UTRN: variants seen among roughly 807,000 people sequenced by gnomAD.
The protein encoded by UTRN is utrophin.
UTRN carries 283 observed loss-of-function variants against 463.9 expected under a neutral mutation model. The observed-to-expected ratio is 0.61, with a 90% CI of 0.55 to 0.67. UTRN has a LOEUF of 0.67. Among genes scored for constraint, UTRN ranks in the 30% least tolerant of loss-of-function variants. UTRN has a pLI of 0.00. For synonymous variants in UTRN, 1,442 were observed against 1,431.5 expected, an observed-to-expected ratio of 1.01 and a Z score of -0.17; for missense variants, 3,922 against 4,084.3, an observed-to-expected ratio of 0.96 and a Z score of 1.08.
At chr6:144,538,127 A>C (rs1366396518) in intron 44 of UTRN, among the ~76,000 whole-genome samples, 1 of 152,206 alleles carries the variant, frequency 6.6e-6, no homozygotes, top group Non-Finnish European at 1.5e-5. Flanking sequence ...GCTGAGGAAC[A>C]AAATGCAGCT....
In UTRN at chr6:144,601,148, A is replaced by G. The variant is rs544546824; in HGVS notation, c.7479+23860A>G. 2.6e-4 allele frequency among the ~76,000 whole-genome samples: 39 copies of G among 152,342 alleles called. 1 individual carries two copies. Among genetic ancestry groups the G allele is most frequent in the Admixed American group, 2.0e-3 (30 of 15,292 alleles). ...CAACCAAGAGCTCTGATGGAGAGTA[A>G]TGCTATTTTCATGCCTACTAACTCA... On this transcript the variant is annotated intron_variant, in intron 51 of 74. Transcript: ENST00000367545.
At chr6:144,548,589 A>G (rs1336719860) in intron 46 of UTRN, 51 bp from the exon 47 acceptor site, 1 of 1,563,988 alleles carries the variant, frequency 6.4e-7, no homozygotes, top group Non-Finnish European at 8.7e-7. Flanking sequence ...CACCACCATA[A>G]TTAAAACATC....
chr6:144,839,324 T>C (rs1562970937), intron 72 of UTRN, 40 bp downstream of exon 72: 1 of 1,516,390 alleles, frequency 6.6e-7, no homozygotes, highest in South Asian at 1.2e-5. Context: ...CTGAGTCTGC[T>C]TTGTGCTTTG....
chr6:144,442,982 G>A (rs1787323257), intron 13 of UTRN, among the ~76,000 whole-genome samples: 1 of 152,144 alleles, frequency 6.6e-6, no homozygotes, highest in Non-Finnish European at 1.5e-5. Flanking sequence ...AGTAAAGTTT[G>A]AGAATTTCAC....
At chr6:144,735,246 T>C (rs529214563) in intron 54 of UTRN, among the ~76,000 whole-genome samples, 2 of 152,186 alleles carry the variant, frequency 1.3e-5, no homozygotes, top group East Asian at 3.9e-4. Context: ...ACTCTGAGGG[T>C]CAGAGTGGAG....
chr6:144,827,689 GAT>G lies in UTRN; in HGVS notation c.9599+14_9599+15del, dbSNP rs780585439. 4 of 1,612,984 alleles carry G rather than the reference GAT, an allele frequency of 2.5e-6. No homozygotes were observed. Among genetic ancestry groups the G allele is most frequent in the Non-Finnish European group, 3.4e-6 (4 of 1,179,378 alleles). On this transcript the variant is annotated intron_variant, in intron 68 of 74. Coordinates refer to ENST00000367545, the MANE Select transcript of UTRN (RefSeq NM_007124.3). ...AATATGCCACACGGTAAGAAACTTT[GAT>G]CAGAGCCCTCCACTGCACTGCCACC... is the stretch of plus-strand genomic sequence containing the variant.
intron 51 of UTRN, among the ~76,000 whole-genome samples, chr6:144,613,213 G>T (rs1434836042): frequency 6.6e-6 from 1 of 151,998 alleles, no homozygotes; most frequent in Non-Finnish European, 1.5e-5. Context: ...GGTGGGTGAG[G>T]GAGGGAGAGA....
intron 27 of UTRN, among the ~76,000 whole-genome samples, chr6:144,483,077 A>T (rs1792059609): frequency 6.6e-6 from 1 of 152,236 alleles, no homozygotes; most frequent in East Asian, 1.9e-4. Context: ...TTTGACGTAA[A>T]ACAAATATTT....
At chr6:144,673,755 T>A (rs1781291981) in intron 51 of UTRN, among the ~76,000 whole-genome samples, 1 of 152,138 alleles carries the variant, frequency 6.6e-6, no homozygotes, top group African/African-American at 2.4e-5. Flanking sequence ...GATTTATGAT[T>A]TAAGGAGATT....
intron 53 of UTRN, among the ~76,000 whole-genome samples, chr6:144,709,681 G>A (rs1391647224): frequency 2.0e-5 from 3 of 152,134 alleles, no homozygotes; most frequent in Non-Finnish European, 4.4e-5. Flanking sequence ...AATTTAAGAT[G>A]TCTAAAGAAT....
intron 55 of UTRN, among the ~76,000 whole-genome samples, chr6:144,751,272 T>C (rs1292820535): frequency 6.6e-6 from 1 of 152,216 alleles, no homozygotes; most frequent in Non-Finnish European, 1.5e-5. Context: ...GGCATACATT[T>C]TCCAGAGTAA....
rs112198690 is a variant in UTRN at position 144,537,377 on chromosome 6, A to G, written c.6234-205A>G. Among the ~76,000 whole-genome samples the G allele has an allele frequency of 8.6e-3, 1,309 of 152,110 alleles. 16 individuals are homozygous for G. The highest frequency in any genetic ancestry group is 0.03 in the African/African-American group (1,235 of 41,554). ...AGTTTCAATGTTTTTGAATTTAACTAAGGAAAAAAGCTTCTTGGTCTATTA... is the reference window on the plus strand; with the variant it reads ...AGTTTCAATGTTTTTGAATTTAACTGAGGAAAAAAGCTTCTTGGTCTATTA... On this transcript the variant is annotated intron_variant, in intron 43 of 74. Transcript: ENST00000367545.
intron 51 of UTRN, among the ~76,000 whole-genome samples, chr6:144,602,624 T>A (rs1804380026): frequency 6.6e-6 from 1 of 152,098 alleles, no homozygotes; most frequent in South Asian, 2.1e-4. Context: ...TGGGAGTAGA[T>A]TAATAAAGGA....
At chr6:144,775,500 G>A (rs1775244216) in intron 60 of UTRN, among the ~76,000 whole-genome samples, 1 of 152,050 alleles carries the variant, frequency 6.6e-6, no homozygotes, top group Non-Finnish European at 1.5e-5. Context: ...AGAATTACCC[G>A]GACAAAGAAA....
At chr6:144,342,076 C>T (rs1312702048) in intron 2 of UTRN, among the ~76,000 whole-genome samples, 2 of 152,060 alleles carry the variant, frequency 1.3e-5, no homozygotes, top group African/African-American at 2.4e-5. Context: ...CATTTTTGGG[C>T]TATGGATAAA....
chr6:144,693,911 C>T (rs9484898), intron 52 of UTRN, among the ~76,000 whole-genome samples: 2,661 of 152,206 alleles, frequency 0.017, 75 homozygotes, highest in African/African-American at 0.06. Context: ...TTGCCCTGGG[C>T]AGGACTTCCA....
intron 62 of UTRN, among the ~76,000 whole-genome samples, chr6:144,791,959 C>A (rs928559326): frequency 1.3e-5 from 2 of 152,098 alleles, no homozygotes; most frequent in Non-Finnish European, 2.9e-5. Context: ...CTTAACAGAC[C>A]TCTTCCCAGG....
intron 51 of UTRN, among the ~76,000 whole-genome samples, chr6:144,604,007 G>A (rs988446180): frequency 2.6e-5 from 4 of 152,118 alleles, no homozygotes; most frequent in African/African-American, 9.7e-5. Flanking sequence ...TTCTACCTCT[G>A]CATCCTGTCT....
intron 50 of UTRN, among the ~76,000 whole-genome samples, chr6:144,558,552 A>C (rs1287592642): frequency 6.6e-6 from 1 of 152,212 alleles, no homozygotes. Context: ...CAATGGGTGC[A>C]GCACACCGAC....
Sources: allele counts gnomAD v4.1 joint callset (sites outside exome capture counted in the v4.1 genomes callset), GRCh38; gene constraint gnomAD v4.1.1; transcripts MANE v1.5; gene names NCBI Gene and HGNC (gene_info 2026-07-23, HGNC 2026-07-21).